COL21A1: variants seen among roughly 807,000 people sequenced by gnomAD.
COL21A1 encodes the protein collagen alpha-1(XXI) chain.
COL21A1 carries 149 observed loss-of-function variants against 137.9 expected under a neutral mutation model. That is an observed-to-expected ratio of 1.08 (90% CI 0.95 to 1.24). COL21A1 has a LOEUF of 1.24. Ranked by LOEUF, COL21A1 falls within the 50% of genes most tolerant of loss-of-function variation. The pLI, the probability that COL21A1 is intolerant of heterozygous loss-of-function variation, is 0.00. For missense variants in COL21A1, 1,167 were observed against 1,158.4 expected (o/e 1.01, Z -0.11); for synonymous variants, 456 against 391.5 (o/e 1.16, Z -1.95).
At chr6:56,065,866 A>G (rs1766197047) in intron 23 of COL21A1, among the ~76,000 whole-genome samples, 1 of 151,958 alleles carries the variant, frequency 6.6e-6, no homozygotes, top group African/African-American at 2.4e-5. Flanking sequence ...ATGCAAGTAA[A>G]AGTGTGGAAG....
chr6:56,128,376 C>T (rs62412822), intron 12 of COL21A1, among the ~76,000 whole-genome samples: 23,024 of 152,030 alleles, frequency 0.15, 1,776 homozygotes, highest in Middle Eastern at 0.22. Context: ...TGATCTTTAA[C>T]GTTCCTGTGA....
At chr6:56,334,597 G>T (rs1273998617) in intron 1 of COL21A1, among the ~76,000 whole-genome samples, 1 of 152,136 alleles carries the variant, frequency 6.6e-6, no homozygotes, top group Non-Finnish European at 1.5e-5. Flanking sequence ...TTGTCACAAA[G>T]CATTAGCTTA....
chr6:56,221,621 A>G lies in COL21A1; in HGVS notation c.-39+25766T>C, dbSNP rs374495117. Among the ~76,000 whole-genome samples the G allele has an allele frequency of 2.6e-5, 4 of 152,076 alleles. No homozygotes were observed. In the East Asian group the frequency reaches 5.8e-4, roughly 22 times the overall value. On this transcript the variant is annotated intron_variant, in intron 1 of 29. Transcript: ENST00000244728. ...ACACCTATAATTCCAGTGACTCAGG[A>G]GGTGAGGTGAGAGAACTGCTTGAGC... is the stretch of plus-strand genomic sequence containing the variant.
chr6:56,112,680 C>CTTTTTTTTTTTTTTTTTTTTT (rs777172358), intron 16 of COL21A1, among the ~76,000 whole-genome samples: 1 of 129,678 alleles, frequency 7.7e-6, no homozygotes, highest in Non-Finnish European at 1.7e-5. Context: ...TTTTTCTTTT[C>CTTTTTTTTTTTTTTTTTTTTT]TTTTTTCTTT....
At chr6:56,150,514 TCACACACACA>T (rs747022399) in intron 10 of COL21A1, among the ~76,000 whole-genome samples, 8 of 46,184 alleles carry the variant, frequency 1.7e-4, no homozygotes, top group Non-Finnish European at 2.4e-4. Context: ...CGAGACTCCA[TCACACACACA>T]CACACACACA....
At chr6:56,273,780 C>T (rs536764815) in intron 1 of COL21A1, among the ~76,000 whole-genome samples, 1 of 152,218 alleles carries the variant, frequency 6.6e-6, no homozygotes, top group Admixed American at 6.5e-5. Flanking sequence ...CAAATTCTAC[C>T]AGGCATTCAA....
chr6:56,097,933 A>ATG, intron 17 of COL21A1, among the ~76,000 whole-genome samples: 2 of 99,336 alleles, frequency 2.0e-5, no homozygotes, highest in Non-Finnish European at 1.8e-5. Flanking sequence ...ATATAAATAT[A>ATG]TAAAAATATA....
chr6:56,355,482 A>G (rs910271704), intron 1 of COL21A1, among the ~76,000 whole-genome samples: 9 of 152,250 alleles, frequency 5.9e-5, no homozygotes, highest in Admixed American at 2.6e-4. Flanking sequence ...CTATCAACCA[A>G]TTGTAACACA....
intron 1 of COL21A1, among the ~76,000 whole-genome samples, chr6:56,391,088 A>G (rs2094028894): frequency 6.6e-6 from 1 of 152,174 alleles, no homozygotes; most frequent in Non-Finnish European, 1.5e-5. Context: ...CAAGTCCCAA[A>G]AAATTCAGAA....
chr6:56,201,102 C>G (rs1273516176), intron 1 of COL21A1, among the ~76,000 whole-genome samples: 1 of 152,066 alleles, frequency 6.6e-6, no homozygotes, highest in Admixed American at 6.5e-5. Flanking sequence ...TAAATGTCTT[C>G]TTTTGAGAAG....
At chr6:56,143,008 T>A (rs1274248815) in intron 10 of COL21A1, among the ~76,000 whole-genome samples, 2 of 152,174 alleles carry the variant, frequency 1.3e-5, no homozygotes, top group Admixed American at 1.3e-4. Context: ...TTTAGAGACA[T>A]CACAATTCCC....
intron 17 of COL21A1, among the ~76,000 whole-genome samples, chr6:56,092,765 G>C (rs1768960526): frequency 6.6e-6 from 1 of 152,168 alleles, no homozygotes; most frequent in Non-Finnish European, 1.5e-5. Flanking sequence ...GAAAAGCCTA[G>C]TGTACTAGTT....
At chr6:56,298,605 G>A (rs959620489) in intron 1 of COL21A1, among the ~76,000 whole-genome samples, 4 of 152,048 alleles carry the variant, frequency 2.6e-5, no homozygotes, top group Non-Finnish European at 5.9e-5. Context: ...AAGGTCTAAA[G>A]AGTTGGTGGC....
chr6:56,059,678 A>C (rs1765622678), intron 28 of COL21A1, among the ~76,000 whole-genome samples: 1 of 152,180 alleles, frequency 6.6e-6, no homozygotes, highest in Non-Finnish European at 1.5e-5. Flanking sequence ...AAAATGAATA[A>C]GGTAACAGTG....
intron 1 of COL21A1, among the ~76,000 whole-genome samples, chr6:56,338,011 G>A (rs1395051462): frequency 7.1e-6 from 1 of 141,630 alleles, no homozygotes; most frequent in Non-Finnish European, 1.5e-5. Context: ...CGCCCAGGCT[G>A]GAGTGCAGTG....
intron 1 of COL21A1, among the ~76,000 whole-genome samples, chr6:56,267,768 AAAAAGAAG>A (rs1763426301): frequency 8.6e-6 from 1 of 116,272 alleles, no homozygotes; most frequent in African/African-American, 2.9e-5. Flanking sequence ...AAAAAAAAAA[AAAAAGAAG>A]AAGAAGAAGA....
chr6:56,122,589 G>A (rs1375022441), intron 16 of COL21A1, among the ~76,000 whole-genome samples: 2 of 152,048 alleles, frequency 1.3e-5, no homozygotes, highest in Non-Finnish European at 2.9e-5. Flanking sequence ...AAAAACTATT[G>A]AATTCTACAC....
chr6:56,174,878 C>G (rs966213149), intron 3 of COL21A1, among the ~76,000 whole-genome samples: 1 of 151,976 alleles, frequency 6.6e-6, no homozygotes, highest in African/African-American at 2.4e-5. Flanking sequence ...AGCCAATATC[C>G]CTGATGAATA....
chr6:56,338,951 A>T (rs1355115928), intron 1 of COL21A1, among the ~76,000 whole-genome samples: 1 of 152,146 alleles, frequency 6.6e-6, no homozygotes, highest in Non-Finnish European at 1.5e-5. Flanking sequence ...TGCTTAGCAG[A>T]TCTCTTTTTG....
Sources: allele counts gnomAD v4.1 joint callset (sites outside exome capture counted in the v4.1 genomes callset), GRCh38; gene constraint gnomAD v4.1.1; transcripts MANE v1.5; gene names NCBI Gene and HGNC (gene_info 2026-07-23, HGNC 2026-07-21).